PDZD2: variants seen among roughly 807,000 people sequenced by gnomAD.
PDZD2 encodes PDZ domain containing 2, also known as PDZ domain-containing protein 2.
A neutral mutation model predicts 220.7 loss-of-function variants in PDZD2; 90 were observed. The ratio of observed to expected loss-of-function variants is 0.41; its 90% confidence interval spans 0.34 to 0.49. The LOEUF is 0.49. Ranked by LOEUF, PDZD2 falls within the 20% of genes least tolerant of loss-of-function variation. The probability of loss-of-function intolerance (pLI) is 0.28; values close to 1 mark genes in which losing one functional copy is unlikely to be tolerated. For synonymous variants in PDZD2, 1,375 were observed against 1,450.5 expected (o/e 0.95, Z 1.18); for missense variants, 3,174 against 3,608.5 (o/e 0.88, Z 3.08).
chr5:31,782,817 AACTCTCCTGC>A (rs1372720515), intron 1 of PDZD2, among the ~76,000 whole-genome samples: 3 of 149,094 alleles, frequency 2.0e-5, no homozygotes, highest in Non-Finnish European at 4.4e-5. Flanking sequence ...AGGTTCAAGC[AACTCTCCTGC>A]CTCAGCCTCC....
At chr5:32,043,151 G>A (rs545755990) in intron 7 of PDZD2, among the ~76,000 whole-genome samples, 1 of 152,200 alleles carries the variant, frequency 6.6e-6, no homozygotes, top group African/African-American at 2.4e-5. Context: ...ATATGGGGAG[G>A]GGGCGCTGGA....
chr5:31,973,409 T>C (rs1749481010), intron 2 of PDZD2, among the ~76,000 whole-genome samples: 1 of 152,242 alleles, frequency 6.6e-6, no homozygotes, highest in Non-Finnish European at 1.5e-5. Flanking sequence ...ATTTAGCTGC[T>C]TTTTATCTGG....
intron 1 of PDZD2, among the ~76,000 whole-genome samples, chr5:31,783,185 T>A (rs1358146248): frequency 6.6e-6 from 1 of 152,078 alleles, no homozygotes; most frequent in Admixed American, 6.5e-5. Context: ...GCCTGAGGAG[T>A]CATTCCTCAC....
chr5:32,033,210 G>C (rs1385989342), intron 6 of PDZD2, among the ~76,000 whole-genome samples: 3 of 152,174 alleles, frequency 2.0e-5, no homozygotes, highest in Admixed American at 6.5e-5. Context: ...ATCATTTCCA[G>C]AACAGTTTGC....
At chr5:31,762,594 G>T (rs995247695) in intron 1 of PDZD2, among the ~76,000 whole-genome samples, 1 of 152,068 alleles carries the variant, frequency 6.6e-6, no homozygotes, top group Non-Finnish European at 1.5e-5. Context: ...GGCTCCTATG[G>T]GCACTTCTTA....
At chr5:31,779,860 G>C (rs543715427) in intron 1 of PDZD2, among the ~76,000 whole-genome samples, 2 of 152,202 alleles carry the variant, frequency 1.3e-5, no homozygotes, top group South Asian at 4.2e-4. Context: ...TAGTGTCCAT[G>C]ATTAATCTGT....
chr5:31,864,338 T>C (rs756160247), intron 2 of PDZD2, among the ~76,000 whole-genome samples: 2 of 152,220 alleles, frequency 1.3e-5, no homozygotes, highest in African/African-American at 2.4e-5. Context: ...GTCTCCGGTC[T>C]GCACCTCTGT....
chr5:31,981,811 C>A (rs547723322), intron 2 of PDZD2, among the ~76,000 whole-genome samples: 6 of 152,242 alleles, frequency 3.9e-5, no homozygotes, highest in African/African-American at 1.4e-4. Flanking sequence ...AGTGGAGGGT[C>A]CAGCCCAGCC....
Position 32,098,709 on chromosome 5 carries a change from A to C in PDZD2, c.8218+75A>C. The C allele has an allele frequency of 7.5e-7, 1 of 1,333,992 alleles. No individual in the cohort carries two copies. The highest frequency in any genetic ancestry group is 1.0e-6 in the Non-Finnish European group (1 of 972,102). 82.6% of individuals were successfully genotyped at this position (1,333,992 alleles called of 1,614,324 possible). A position where few individuals can be genotyped will look rare whatever the true frequency, so the allele number is the denominator to read the frequency against. Reference sequence around the variant, plus strand: ...AGGAGATTCTGGTTGAACATGAAGGAAAATAACAGCTAACTAACTTCTAGA... The same window carrying C: ...AGGAGATTCTGGTTGAACATGAAGGCAAATAACAGCTAACTAACTTCTAGA... On this transcript the variant is annotated intron_variant, in intron 23 of 24. Coordinates refer to ENST00000438447, the MANE Select transcript of PDZD2 (RefSeq NM_178140.4). The surrounding 1 kb of genome is among the most constrained non-coding windows in gnomAD (Gnocchi z 4.1).
rs377116461 is a variant in PDZD2, at chr5:31,720,192, T to A, written c.-360-78697T>A. ...TCTCTTCTAATTGGCAGAGCCCAGA[T>A]CACGTGTCTACATCTTAGCTGCAAG... is the stretch of plus-strand genomic sequence containing the variant. On this transcript the variant is annotated intron_variant, in intron 1 of 24. Transcript: ENST00000438447. 2.6e-4 allele frequency among the ~76,000 whole-genome samples: 40 copies of A among 152,350 alleles called. 1 individual carries two copies. In the South Asian group the frequency reaches 8.3e-3, roughly 32 times the overall value.
intron 2 of PDZD2, among the ~76,000 whole-genome samples, chr5:31,894,331 G>A (rs1263949425): frequency 6.6e-6 from 1 of 152,084 alleles, no homozygotes; most frequent in African/African-American, 2.4e-5. Flanking sequence ...TGCAGCTGCA[G>A]CTGCATCTGG....
intron 3 of PDZD2, 79 bp from the exon 4 acceptor site, chr5:31,995,497 A>T (rs1018922995): frequency 1.6e-5 from 24 of 1,456,912 alleles, no homozygotes; most frequent in Non-Finnish European, 2.2e-5. Flanking sequence ...ATTCGGCCAG[A>T]CGTGACAGCT....
At chr5:31,969,613 G>A (rs7718714) in intron 2 of PDZD2, among the ~76,000 whole-genome samples, 1 of 150,678 alleles carries the variant, frequency 6.6e-6, no homozygotes, top group Non-Finnish European at 1.5e-5. Flanking sequence ...GCTGGGATTA[G>A]AATGGGCATT....
At position 31,983,337 on chromosome 5, in the gene PDZD2, G is replaced by A. The variant is rs370133322; in HGVS notation, c.659G>A (p.Gly220Glu). 3.7e-6 allele frequency: 6 copies of A among 1,614,038 alleles called. No homozygotes were observed. The highest frequency in any genetic ancestry group is 5.1e-6 in the Non-Finnish European group (6 of 1,180,050). The change falls in exon 3 of 25, where the codon GGG becomes GAG. Residue 220 changes from glycine to glutamate, a missense_variant. By Grantham distance (98) the Gly-to-Glu change is moderately conservative. This residue lies in a region of PDZD2 where 632 missense variants were observed against 708.1 expected (regional missense o/e 0.89). Coordinates refer to ENST00000438447, the MANE Select transcript of PDZD2 (RefSeq NM_178140.4). ...AKKGKRTRKFGVISRPPANKA... is the reference protein window; with the variant it reads ...AKKGKRTRKFEVISRPPANKA... The stretch of plus-strand genomic sequence containing the variant: ...AAGGGGAAACGAACCAGAAAGTTTG[G>A]GGTCATCTCCAGGCCTCCTGCCAAC...
At chr5:31,933,981 A>G (rs1043740705) in intron 2 of PDZD2, among the ~76,000 whole-genome samples, 16 of 152,182 alleles carry the variant, frequency 1.1e-4, no homozygotes, top group African/African-American at 3.9e-4. Flanking sequence ...TTGTGAGTAA[A>G]TGTAGCAGTA....
intron 2 of PDZD2, among the ~76,000 whole-genome samples, chr5:31,919,737 G>T (rs1456250413): frequency 3.5e-5 from 5 of 141,956 alleles, no homozygotes; most frequent in Non-Finnish European, 7.6e-5. Context: ...AAAAGGCCAG[G>T]CACAGTGGCT....
chr5:32,098,700 A>T lies in PDZD2; in HGVS notation c.8218+66A>T. On this transcript the variant is annotated intron_variant, in intron 23 of 24. Coordinates refer to ENST00000438447, the MANE Select transcript of PDZD2 (RefSeq NM_178140.4). This position sits in a 1 kb window ranked among gnomAD's most constrained non-coding sequence, Gnocchi z 4.1. ...TGCAGAAAGAGGAGATTCTGGTTGA[A>T]CATGAAGGAAAATAACAGCTAACTA... 7.0e-7 allele frequency: 1 copy of T among 1,437,638 alleles called. No individual in the cohort carries two copies. Among genetic ancestry groups the T allele is most frequent in the Non-Finnish European group, 9.4e-7 (1 of 1,059,910 alleles). 89.1% of individuals were successfully genotyped at this position (1,437,638 alleles called of 1,614,324 possible).
At position 32,088,085 on chromosome 5, in the gene PDZD2, C is replaced by T. The variant is rs141823346; in HGVS notation, c.4637C>T (p.Pro1546Leu). Residue 1546 changes from proline (P) to leucine (L), a missense_variant, in exon 20 of 25, where the codon CCG (proline) becomes CTG (leucine). Transcript: ENST00000438447. This position sits in a 1 kb window ranked among gnomAD's most constrained non-coding sequence, Gnocchi z 4.6. ...SLSGLGDSTE[P>L]SLSSMYGDAE... Reference sequence around the variant, plus strand: ...TCAGGCCTGGGTGACAGCACGGAGCCGTCTCTGTCATCCATGTATGGCGAT... The same window carrying T: ...TCAGGCCTGGGTGACAGCACGGAGCTGTCTCTGTCATCCATGTATGGCGAT... 1.2e-4 allele frequency: 194 copies of T among 1,614,144 alleles called. No individual in the cohort carries two copies. The highest frequency in any genetic ancestry group is 1.2e-3 in the Middle Eastern group (7 of 6,060).
At chr5:31,829,254 A>T (rs991866511) in intron 2 of PDZD2, among the ~76,000 whole-genome samples, 1 of 152,010 alleles carries the variant, frequency 6.6e-6, no homozygotes, top group Admixed American at 6.5e-5. Context: ...TTATCATTCC[A>T]GAAGGGCTTT....
Sources: allele counts gnomAD v4.1 joint callset (sites outside exome capture counted in the v4.1 genomes callset), GRCh38; gene constraint gnomAD v4.1.1; regional missense constraint gnomAD v4.1.1; non-coding constraint Gnocchi (gnomAD v3.1); transcripts MANE v1.5; gene names NCBI Gene and HGNC (gene_info 2026-07-23, HGNC 2026-07-21).